Variants in ALPK2 observed in about 807,000 individuals in gnomAD.
The protein encoded by ALPK2 is alpha kinase 2.
In ALPK2, 127 loss-of-function variants were observed where a neutral mutation model predicts 163.1. That is an observed-to-expected ratio of 0.78 (90% CI 0.67 to 0.90). The LOEUF (loss-of-function observed/expected upper bound fraction) is 0.90, where lower values mean the gene tolerates loss of function less well. ALPK2 is among the 40% of genes least tolerant of loss of function. The probability of loss-of-function intolerance (pLI) is 0.00; values close to 1 mark genes in which losing one functional copy is unlikely to be tolerated. For synonymous variants in ALPK2, 953 were observed against 959.1 expected (o/e 0.99, Z 0.12); for missense variants, 2,360 against 2,589.6 (o/e 0.91, Z 1.92).
Position 58,536,082 on chromosome 18 carries a change from C to T in ALPK2, c.4105G>A (p.Val1369Ile), listed in dbSNP as rs760732329. ...TCCTGGTCTTGACTCACATTGTTAA[C>T]ATTTTCCTTCCCTCCAGTTTCAGAA... is the stretch of plus-strand genomic sequence containing the variant. ...AASETGGKEN[V>I]NNVSQDQEEK... Residue 1369 changes from valine to isoleucine, a missense_variant, in exon 5 of 13, where the codon GTT becomes ATT. Physicochemically the swap from Val to Ile is conservative, Grantham distance 29. Coordinates refer to ENST00000361673, the MANE Select transcript of ALPK2 (RefSeq NM_052947.4). The T allele has an allele frequency of 6.2e-7, 1 of 1,614,172 alleles. No individual in the cohort carries two copies. The highest frequency in any genetic ancestry group is 8.5e-7 in the Non-Finnish European group (1 of 1,180,028).
At chr18:58,624,848 C>A (rs897742528) in intron 1 of ALPK2, among the ~76,000 whole-genome samples, 1 of 152,196 alleles carries the variant, frequency 6.6e-6, no homozygotes, top group Non-Finnish European at 1.5e-5. Flanking sequence ...CATTCCAGAT[C>A]TCTATGTTGG....
At chr18:58,573,396 G>A (rs917000756) in intron 4 of ALPK2, among the ~76,000 whole-genome samples, 12 of 137,606 alleles carry the variant, frequency 8.7e-5, no homozygotes, top group Non-Finnish European at 1.7e-4. Flanking sequence ...ATATATATAT[G>A]TGTGTATATA....
chr18:58,503,441 C>T (rs772713747), intron 11 of ALPK2, among the ~76,000 whole-genome samples: 12 of 152,268 alleles, frequency 7.9e-5, no homozygotes, highest in South Asian at 2.1e-4. Flanking sequence ...CCTGTAATCC[C>T]AACACTTTTG....
chr18:58,579,153 T>C lies in ALPK2; in HGVS notation c.1623A>G (p.Gly541=). Residue 541 remains glycine (G), a synonymous_variant, in exon 4 of 13, where the codon GGA becomes GGG. Transcript: ENST00000361673. ...SRKSARVRQP[G]MKGNPKKPNA... ...TCGGCTTCTTGGGATTTCCCTTCAT[T>C]CCCGGCTGCCTCACCCTGGCAGATT... 2 of 1,614,142 alleles carry C rather than the reference T, an allele frequency of 1.2e-6. No individual in the cohort carries two copies. Among genetic ancestry groups the C allele is most frequent in the Non-Finnish European group, 1.7e-6 (2 of 1,180,028 alleles).
intron 11 of ALPK2, among the ~76,000 whole-genome samples, 158 bp from the exon 12 acceptor site, chr18:58,498,255 G>A (rs917040239): frequency 1.3e-5 from 2 of 152,146 alleles, no homozygotes; most frequent in African/African-American, 4.8e-5. Flanking sequence ...CCAGCTTTAG[G>A]CAGGGACCAT....
chr18:58,498,070 C>T lies in ALPK2; in HGVS notation c.6275G>A (p.Gly2092Asp). ...QGVGMKLTDV[G>D]IATLAKGYKG... ...TCACCCTTTAGCCAGCGTTGCTATG[C>T]CAACGTCAGTTAGCTTCATTCCTAC... is the stretch of plus-strand genomic sequence containing the variant. The change falls in exon 12 of 13, where the codon GGC (glycine) becomes GAC (aspartate). Residue 2092 changes from glycine to aspartate, a missense_variant. Transcript: ENST00000361673. The T allele has an allele frequency of 1.2e-6, 2 of 1,614,100 alleles. No homozygotes were observed. The highest frequency in any genetic ancestry group is 2.2e-5 in the South Asian group (2 of 91,058).
intron 3 of ALPK2, among the ~76,000 whole-genome samples, chr18:58,594,897 C>T (rs1407822352): frequency 6.6e-6 from 1 of 152,170 alleles, no homozygotes; most frequent in Non-Finnish European, 1.5e-5. Flanking sequence ...GCTTGCAGTC[C>T]CCATCTGTGC....
At chr18:58,621,903 G>A (rs1442305053) in intron 1 of ALPK2, among the ~76,000 whole-genome samples, 19 of 152,086 alleles carry the variant, frequency 1.2e-4, no homozygotes, top group Non-Finnish European at 2.8e-4. Context: ...ATACTGAGCT[G>A]GCAGCAGCTC....
At chr18:58,612,391 GCTC>G (rs1360010180) in intron 1 of ALPK2, among the ~76,000 whole-genome samples, 1 of 152,226 alleles carries the variant, frequency 6.6e-6, no homozygotes, top group South Asian at 2.1e-4. Context: ...GGATATGACT[GCTC>G]CTTCTGAGCA....
Position 58,611,819 on chromosome 18 carries a change from T to TAA in ALPK2, c.-20-3_-20-2insTT. The TAA allele has an allele frequency of 6.9e-7, 1 of 1,452,408 alleles. No individual in the cohort carries two copies. Among genetic ancestry groups the TAA allele is most frequent in the African/African-American group, 1.5e-5 (1 of 68,074 alleles). The allele number at this position is 1,452,408 out of a possible 1,614,324, so 90.0% of individuals were successfully genotyped here. A position where few individuals can be genotyped will look rare whatever the true frequency, so the allele number is the denominator to read the frequency against. On this transcript the variant is annotated splice_region_variant and splice_polypyrimidine_tract_variant and intron_variant, in intron 1 of 12. Transcript: ENST00000361673. Reference sequence around the variant, plus strand: ...TCATCCTTTCATGCCGCACCAAATCTGAAAAAAAAAAAAATCCCCGACATC... The same window carrying TAA: ...TCATCCTTTCATGCCGCACCAAATCTAAGAAAAAAAAAAAAATCCCCGACATC...
intron 6 of ALPK2, among the ~76,000 whole-genome samples, chr18:58,524,803 A>T (rs758547013): frequency 1.3e-5 from 2 of 152,206 alleles, no homozygotes; most frequent in Non-Finnish European, 2.9e-5. Context: ...AAACTGAGGC[A>T]TAGAAAAATT....
intron 10 of ALPK2, among the ~76,000 whole-genome samples, chr18:58,510,519 A>T (rs1344513963): frequency 1.3e-5 from 2 of 152,242 alleles, no homozygotes; most frequent in East Asian, 3.8e-4. Context: ...ACCTATGAGC[A>T]TGGAATGTTC....
At position 58,502,180 on chromosome 18, in the gene ALPK2, A is replaced by ACACACAC. The variant is rs1568067735; in HGVS notation, c.6247+1750_6247+1751insGTGTGTG. ...CACACACACACACACACACACACACAAAGAAAAAAAAAAGGAAAGAAAAAA... is the reference window on the plus strand; with the variant it reads ...CACACACACACACACACACACACACACACACACAAGAAAAAAAAAAGGAAAGAAAAAA... On this transcript the variant is annotated intron_variant, in intron 11 of 12. Transcript: ENST00000361673. 4.8e-3 allele frequency among the ~76,000 whole-genome samples: 626 copies of ACACACAC among 129,920 alleles called. 5 individuals are homozygous for ACACACAC. The highest frequency in any genetic ancestry group is 0.016 in the African/African-American group (594 of 37,356). The allele number at this position is 129,920 out of a possible 152,430, so 85.2% of individuals were successfully genotyped here. A position where few individuals can be genotyped will look rare whatever the true frequency, so the allele number is the denominator to read the frequency against.
intron 12 of ALPK2, among the ~76,000 whole-genome samples, chr18:58,484,522 G>T (rs2051328679): frequency 6.6e-6 from 1 of 152,182 alleles, no homozygotes; most frequent in Non-Finnish European, 1.5e-5. Flanking sequence ...GAGGCAGGTG[G>T]ATCACGAGGT....
intron 3 of ALPK2, among the ~76,000 whole-genome samples, chr18:58,585,251 A>G (rs2051979474): frequency 6.6e-6 from 1 of 152,206 alleles, no homozygotes; most frequent in Non-Finnish European, 1.5e-5. Context: ...ATCTGTCAAT[A>G]TTTACCACAT....
intron 4 of ALPK2, among the ~76,000 whole-genome samples, chr18:58,560,756 G>A (rs1412975962): frequency 6.6e-6 from 1 of 152,178 alleles, no homozygotes; most frequent in African/African-American, 2.4e-5. Flanking sequence ...TACTTCAGGG[G>A]GGCAGGGTCA....
At chr18:58,587,319 A>G (rs775907892) in intron 3 of ALPK2, among the ~76,000 whole-genome samples, 33 of 152,344 alleles carry the variant, frequency 2.2e-4, no homozygotes, top group Non-Finnish European at 3.4e-4. Flanking sequence ...TCATTTCCAG[A>G]GTTGCCACGT....
At chr18:58,500,296 T>C (rs1371611869) in intron 11 of ALPK2, among the ~76,000 whole-genome samples, 2 of 151,076 alleles carry the variant, frequency 1.3e-5, no homozygotes, top group African/African-American at 4.9e-5. Flanking sequence ...TCTTGTTTCA[T>C]GGAAAATTGT....
intron 12 of ALPK2, among the ~76,000 whole-genome samples, chr18:58,487,794 G>A (rs2051347509): frequency 1.3e-5 from 2 of 152,162 alleles, no homozygotes; most frequent in South Asian, 4.1e-4. Flanking sequence ...GGCTGAAACA[G>A]GAGGTTAGCT....
Sources: gnomAD v4.1 joint callset for allele counts (sites outside exome capture counted in the v4.1 genomes callset) on GRCh38, gnomAD v4.1.1 for gene constraint, MANE v1.5 for transcripts, NCBI Gene and HGNC (gene_info 2026-07-23, HGNC 2026-07-21) for gene names.